The following CD276 variants were observed in gnomAD, a reference collection of about 807,000 sequenced individuals.
The protein encoded by CD276 is CD276 molecule.
In CD276, 34 loss-of-function variants were observed where a neutral mutation model predicts 50.0. The ratio of observed to expected loss-of-function variants is 0.68; its 90% CI spans 0.52 to 0.91. The LOEUF (loss-of-function observed/expected upper bound fraction) is 0.91. Among genes scored for constraint, CD276 ranks in the 40% least tolerant of loss-of-function variants. CD276 has a pLI of 0.00. For missense variants in CD276, 634 were observed against 717.5 expected (o/e 0.88, Z 1.33); for synonymous variants, 275 against 313.0 (o/e 0.88, Z 1.28).
intron 4 of CD276, 25 bp downstream of exon 4, chr15:73,703,111 G>C: frequency 1.9e-6 from 3 of 1,546,764 alleles, no homozygotes; most frequent in Non-Finnish European, 2.6e-6. Flanking sequence ...ATGTCCCCTT[G>C]GGGGAGGGGG....
intron 1 of CD276, among the ~76,000 whole-genome samples, chr15:73,692,282 A>G (rs1340220961): frequency 6.6e-6 from 1 of 152,204 alleles, no homozygotes; most frequent in Non-Finnish European, 1.5e-5. Flanking sequence ...CCATTCCCAC[A>G]ATACCTTGTA....
intron 2 of CD276, 45 bp downstream of exon 2, chr15:73,699,763 T>C: frequency 6.5e-7 from 1 of 1,536,924 alleles, no homozygotes; most frequent in Non-Finnish European, 8.8e-7. Flanking sequence ...ACAGTGATTG[T>C]GGCAGTTGGG....
intron 1 of CD276, among the ~76,000 whole-genome samples, chr15:73,686,592 T>G (rs1312849161): frequency 1.3e-5 from 2 of 152,180 alleles, no homozygotes; most frequent in African/African-American, 4.8e-5. Context: ...AACTTTGGCT[T>G]TCTCTGGAGG....
At chr15:73,712,326 T>C (rs1447454981) in intron 9 of CD276, among the ~76,000 whole-genome samples, 1 of 152,198 alleles carries the variant, frequency 6.6e-6, no homozygotes, top group Non-Finnish European at 1.5e-5. Flanking sequence ...GGGGGAGCTC[T>C]TCTCCTCTCC....
chr15:73,702,703 C>T, intron 3 of CD276, 69 bp from the exon 4 acceptor site: 1 of 1,566,532 alleles, frequency 6.4e-7, no homozygotes, highest in Non-Finnish European at 8.7e-7. Flanking sequence ...TTCCTGTACT[C>T]AGCCCCATGC....
Position 73,712,988 on chromosome 15 carries a change from T to C in CD276, c.*32T>C. 6.2e-7 allele frequency: 1 copy of C among 1,606,744 alleles called. No individual in the cohort carries two copies. Among genetic ancestry groups the C allele is most frequent in the Non-Finnish European group, 8.5e-7 (1 of 1,173,542 alleles). On this transcript the variant is annotated 3_prime_UTR_variant, in exon 10 of 10. Coordinates refer to ENST00000318443, the MANE Select transcript of CD276 (RefSeq NM_001024736.2). The stretch of plus-strand genomic sequence containing the variant: ...GGACCAGGGAGCTGCTACCCCTCCC[T>C]ACAGCTCCTACCCTCTGGCTGCAAT...
At position 73,712,381 on chromosome 15, in the gene CD276, G is replaced by A. The variant is rs138239536; in HGVS notation, c.1583-553G>A. 2.6e-4 allele frequency among the ~76,000 whole-genome samples: 40 copies of A among 152,340 alleles called. No individual in the cohort carries two copies. In the East Asian group the frequency reaches 2.7e-3, roughly 10 times the overall value. On this transcript the variant is annotated intron_variant, in intron 9 of 9. Transcript: ENST00000318443. ...CAAGAATGGGTGAGGGAGAGGGCAG[G>A]GGAAGGGCCCAAGCCCTTCTTCCCA...
intron 7 of CD276, 27 bp from the exon 8 acceptor site, chr15:73,709,621 G>A: frequency 6.2e-7 from 1 of 1,612,082 alleles, no homozygotes; most frequent in South Asian, 1.1e-5. Flanking sequence ...AAAGATTTTT[G>A]TTTATTCTGA....
chr15:73,702,862 G>A lies in CD276; in HGVS notation c.509G>A (p.Gly170Asp), dbSNP rs763479996. The A allele has an allele frequency of 1.2e-6, 2 of 1,614,166 alleles. No homozygotes were observed. Among genetic ancestry groups the A allele is most frequent in the Non-Finnish European group, 1.7e-6 (2 of 1,180,036 alleles). The change falls in exon 4 of 10, where the codon GGC becomes GAC. Residue 170 changes from glycine (G) to aspartate (D), a missense_variant. Physicochemically the swap from Gly to Asp is moderately conservative, Grantham distance 94 (BLOSUM62 -1). Transcript: ENST00000318443. The stretch of plus-strand genomic sequence containing the variant: ...ACCATCACGTGCTCCAGCTACCAGG[G>A]CTACCCTGAGGCTGAGGTGTTCTGG... ...TVTITCSSYQ[G>D]YPEAEVFWQD...
At chr15:73,695,305 C>T (rs1900134242) in intron 1 of CD276, among the ~76,000 whole-genome samples, 1 of 152,108 alleles carries the variant, frequency 6.6e-6, no homozygotes, top group Non-Finnish European at 1.5e-5. Context: ...CCAGGGTGAT[C>T]TGGCTGAGGG....
chr15:73,688,166 G>A (rs1167310621), intron 1 of CD276, among the ~76,000 whole-genome samples: 1 of 152,120 alleles, frequency 6.6e-6, no homozygotes, highest in Non-Finnish European at 1.5e-5. Flanking sequence ...AGGAGTAATG[G>A]TCCCAGAGGC....
chr15:73,691,717 G>T (rs1451693791), intron 1 of CD276, among the ~76,000 whole-genome samples: 2 of 152,222 alleles, frequency 1.3e-5, no homozygotes, highest in East Asian at 3.8e-4. Context: ...AAAGGACATG[G>T]AGCAAAATAA....
At chr15:73,696,645 G>A (rs1900189933) in intron 1 of CD276, among the ~76,000 whole-genome samples, 1 of 152,190 alleles carries the variant, frequency 6.6e-6, no homozygotes, top group Non-Finnish European at 1.5e-5. Flanking sequence ...GCCTGGGTAG[G>A]TCTGATCAGG....
intron 1 of CD276, among the ~76,000 whole-genome samples, chr15:73,694,952 G>C (rs984688538): frequency 1.1e-4 from 16 of 152,172 alleles, no homozygotes; most frequent in African/African-American, 3.9e-4. Context: ...AGTGGGTTCT[G>C]ATTGCACCAC....
At position 73,704,418 on chromosome 15, in the gene CD276, C is replaced by T; in HGVS notation, c.1315C>T (p.Leu439=). 2 of 1,614,044 alleles carry T rather than the reference C, an allele frequency of 1.2e-6. No individual in the cohort carries two copies. Among genetic ancestry groups the T allele is most frequent in the Non-Finnish European group, 1.7e-6 (2 of 1,180,038 alleles). The change falls in exon 6 of 10, where the codon CTG becomes TTG. Residue 439 remains leucine, a synonymous_variant. Transcript: ENST00000318443. The surrounding 1 kb of genome is among the most constrained non-coding windows in gnomAD (Gnocchi z 4.1). ...GGGTGCGAATGGCACCTACAGCTGC[C>T]TGGTGCGCAACCCCGTGCTGCAGCA... ...VLGANGTYSC[L]VRNPVLQQDA...
chr15:73,704,413 G>T lies in CD276; in HGVS notation c.1310G>T (p.Ser437Ile). 6.2e-7 allele frequency: 1 copy of T among 1,614,042 alleles called. No individual in the cohort carries two copies. The highest frequency in any genetic ancestry group is 8.5e-7 in the Non-Finnish European group (1 of 1,180,044). ...RVVLGANGTY[S>I]CLVRNPVLQQ... is the part of the protein sequence containing the mutation. ...GTGCTGGGTGCGAATGGCACCTACA[G>T]CTGCCTGGTGCGCAACCCCGTGCTG... The change falls in exon 6 of 10, where the codon AGC becomes ATC. Residue 437 changes from serine (S) to isoleucine (I), a missense_variant. Coordinates refer to ENST00000318443, the MANE Select transcript of CD276 (RefSeq NM_001024736.2). This position sits in a 1 kb window ranked among gnomAD's most constrained non-coding sequence, Gnocchi z 4.1.
At chr15:73,703,632 ACCCTG>A (rs1415929977) in intron 4 of CD276, 22 bp from the exon 5 acceptor site, 2 of 1,568,568 alleles carry the variant, frequency 1.3e-6, no homozygotes, top group Non-Finnish European at 1.7e-6. Flanking sequence ...TCTCCTCACC[ACCCTG>A]CCCCTCTGAC....
intron 6 of CD276, among the ~76,000 whole-genome samples, chr15:73,707,545 T>G (rs1368264644): frequency 6.6e-6 from 1 of 152,198 alleles, no homozygotes; most frequent in Non-Finnish European, 1.5e-5. Flanking sequence ...GCCCCGTCAG[T>G]GACCTCATCT....
chr15:73,712,065 G>T (rs933458990), intron 9 of CD276: 1 of 145,954 alleles, frequency 6.9e-6, no homozygotes, highest in African/African-American at 2.6e-5. Flanking sequence ...TGAGGCGGGA[G>T]AATCACTTGA....
Sources: allele counts gnomAD v4.1 joint callset (sites outside exome capture counted in the v4.1 genomes callset), GRCh38; gene constraint gnomAD v4.1.1; non-coding constraint Gnocchi (gnomAD v3.1); transcripts MANE v1.5; gene names NCBI Gene and HGNC (gene_info 2026-07-23, HGNC 2026-07-21).